Variants in DAPK1 observed in about 807,000 individuals in gnomAD.
DAPK1 encodes the protein death associated protein kinase 1.
DAPK1 carries 56 observed loss-of-function variants against 144.9 expected under a neutral mutation model. That is an observed-to-expected ratio of 0.39 (90% CI 0.31 to 0.48). The LOEUF is 0.48. DAPK1 is among the 20% of genes least tolerant of loss of function. The probability of loss-of-function intolerance (pLI) is 0.95; values close to 1 mark genes in which losing one functional copy is unlikely to be tolerated. For synonymous variants in DAPK1, 690 were observed against 749.0 expected, an observed-to-expected ratio of 0.92 and a Z score of 1.29; for missense variants, 1,454 against 1,875.4, an observed-to-expected ratio of 0.78 and a Z score of 4.15.
intron 19 of DAPK1, among the ~76,000 whole-genome samples, chr9:87,677,481 A>G (rs775823090): frequency 1.3e-5 from 2 of 152,202 alleles, no homozygotes; most frequent in Non-Finnish European, 2.9e-5. Flanking sequence ...GCTGAAGCTC[A>G]AAGTGTCAAG....
intron 2 of DAPK1, among the ~76,000 whole-genome samples, chr9:87,579,097 C>T (rs547592783): frequency 3.9e-5 from 6 of 152,224 alleles, no homozygotes; most frequent in South Asian, 2.1e-4. Context: ...TCAGGCTCAC[C>T]GAAGTATATA....
At chr9:87,693,925 C>T (rs550262371) in intron 21 of DAPK1, among the ~76,000 whole-genome samples, 9 of 152,172 alleles carry the variant, frequency 5.9e-5, no homozygotes, top group South Asian at 2.1e-4. Context: ...GGGGATACCA[C>T]GTGGGCCAGT....
At chr9:87,521,465 G>A (rs1021165811) in intron 2 of DAPK1, among the ~76,000 whole-genome samples, 1 of 152,174 alleles carries the variant, frequency 6.6e-6, no homozygotes, top group Admixed American at 6.5e-5. Context: ...GCCAGTCCAT[G>A]GGACTCCAGT....
chr9:87,523,365 T>G (rs1469431481), intron 2 of DAPK1, among the ~76,000 whole-genome samples: 1 of 152,206 alleles, frequency 6.6e-6, no homozygotes, highest in Non-Finnish European at 1.5e-5. Flanking sequence ...GGCACAATCA[T>G]GGCTCACTGC....
intron 3 of DAPK1, among the ~76,000 whole-genome samples, chr9:87,609,580 A>G (rs1478828127): frequency 1.3e-5 from 2 of 152,228 alleles, no homozygotes; most frequent in East Asian, 3.8e-4. Context: ...CAGGAGAAAC[A>G]GTCGTCTTTG....
chr9:87,538,448 T>C (rs1289012674), intron 2 of DAPK1, among the ~76,000 whole-genome samples: 1 of 152,222 alleles, frequency 6.6e-6, no homozygotes, highest in Non-Finnish European at 1.5e-5. Flanking sequence ...TCTGTGCTCA[T>C]GTTATATACA....
chr9:87,699,988 G>T (rs1825403951), intron 23 of DAPK1, 129 bp from the exon 24 acceptor site: 2 of 710,768 alleles, frequency 2.8e-6, no homozygotes, highest in African/African-American at 1.8e-5. Flanking sequence ...ATGGGGAGGG[G>T]CCTTTGCAAG....
In DAPK1 at chr9:87,701,043, A is replaced by C. The variant is rs529987703; in HGVS notation, c.2871+806A>C. Among the ~76,000 whole-genome samples, 13 of 152,318 alleles carry C rather than the reference A, an allele frequency of 8.5e-5. No homozygotes were observed. In the South Asian group the frequency reaches 2.5e-3, roughly 29 times the overall value. ...TGAGGGGATTGGGATTTTTATCTTAAAATTTCCATGGAAAAATTCATTAAA... is the reference window on the plus strand; with the variant it reads ...TGAGGGGATTGGGATTTTTATCTTACAATTTCCATGGAAAAATTCATTAAA... On this transcript the variant is annotated intron_variant, in intron 24 of 25. Transcript: ENST00000408954.
intron 2 of DAPK1, among the ~76,000 whole-genome samples, chr9:87,564,299 AG>A (rs1315493731): frequency 6.6e-6 from 1 of 152,130 alleles, no homozygotes; most frequent in African/African-American, 2.4e-5. Context: ...ATGTGATGTC[AG>A]GGGGTATGGC....
intron 2 of DAPK1, among the ~76,000 whole-genome samples, chr9:87,516,657 A>G (rs955113692): frequency 3.3e-5 from 5 of 151,902 alleles, no homozygotes; most frequent in African/African-American, 9.7e-5. Flanking sequence ...ATGGTTTAGC[A>G]TGCTGCGTGT....
intron 22 of DAPK1, among the ~76,000 whole-genome samples, chr9:87,697,541 T>C (rs549200465): frequency 6.6e-5 from 10 of 152,346 alleles, no homozygotes; most frequent in African/African-American, 2.2e-4. Context: ...AGAGCCATGG[T>C]CATTGTATGT....
intron 2 of DAPK1, among the ~76,000 whole-genome samples, chr9:87,517,140 C>T (rs772699605): frequency 2.3e-4 from 35 of 151,898 alleles, no homozygotes; most frequent in Admixed American, 8.5e-4. Context: ...GTGAAGAATG[C>T]GATTGGGGGC....
intron 18 of DAPK1, among the ~76,000 whole-genome samples, chr9:87,659,080 T>C (rs931805773): frequency 3.3e-5 from 5 of 152,224 alleles, no homozygotes; most frequent in African/African-American, 1.2e-4. Context: ...AGAGACCATA[T>C]GGGCCACAGA....
At position 87,625,205 on chromosome 9, in the gene DAPK1, G is replaced by A. The variant is rs898561650; in HGVS notation, c.285-12738G>A. 1.3e-4 allele frequency among the ~76,000 whole-genome samples: 20 copies of A among 152,294 alleles called. 1 individual carries two copies. The East Asian group carries it at 3.7e-3, about 28-fold the overall frequency. On this transcript the variant is annotated intron_variant, in intron 3 of 25. Transcript: ENST00000408954. ...CAGAATCAGCACCTATGTGACCAGA[G>A]GTAGATCTCGGGTCGCTATAGGAAT... is the stretch of plus-strand genomic sequence containing the variant.
intron 2 of DAPK1, among the ~76,000 whole-genome samples, chr9:87,516,536 A>T (rs1415913620): frequency 6.6e-6 from 1 of 151,556 alleles, no homozygotes; most frequent in Non-Finnish European, 1.5e-5. Context: ...TAAACTGCCT[A>T]ATAGCTGTGA....
At chr9:87,677,310 G>A (rs1824427481) in intron 19 of DAPK1, among the ~76,000 whole-genome samples, 1 of 152,196 alleles carries the variant, frequency 6.6e-6, no homozygotes, top group Non-Finnish European at 1.5e-5. Context: ...ATACACAGGA[G>A]CAAGTCAGCC....
intron 2 of DAPK1, among the ~76,000 whole-genome samples, chr9:87,587,701 G>A (rs1220152327): frequency 6.6e-6 from 1 of 152,244 alleles, no homozygotes; most frequent in African/African-American, 2.4e-5. Context: ...TCAGTTTTAA[G>A]TGAAAGGGCA....
intron 2 of DAPK1, among the ~76,000 whole-genome samples, chr9:87,583,016 C>T (rs2118838417): frequency 6.6e-6 from 1 of 152,202 alleles, no homozygotes; most frequent in Non-Finnish European, 1.5e-5. Flanking sequence ...CCTCTGCGAT[C>T]TCGGGATTTG....
rs770566232 is a variant in DAPK1 at position 87,697,185 on chromosome 9, C to G, written c.2592C>G (p.Val864=). 1.3e-6 allele frequency: 2 copies of G among 1,556,456 alleles called. No homozygotes were observed. The highest frequency in any genetic ancestry group is 1.8e-6 in the Non-Finnish European group (2 of 1,127,302). Residue 864 remains valine (V), a synonymous_variant, in exon 22 of 26, where the codon GTC becomes GTG. Transcript: ENST00000408954. ...IFWLSFLKSL[V]PVEEPIAFGG... ...GGCTCAGTTTCCTGAAGTCCCTTGT[C>G]CCAGTTGAAGAACCCATAGGTGAGC... is the stretch of plus-strand genomic sequence containing the variant.
Sources: allele counts gnomAD v4.1 joint callset (sites outside exome capture counted in the v4.1 genomes callset), GRCh38; gene constraint gnomAD v4.1.1; transcripts MANE v1.5; gene names NCBI Gene and HGNC (gene_info 2026-07-23, HGNC 2026-07-21).